WWP2: variants seen among roughly 807,000 people sequenced by gnomAD.
WWP2 encodes NEDD4-like E3 ubiquitin-protein ligase WWP2.
In WWP2, 57 loss-of-function variants were observed where a neutral mutation model predicts 121.0. The ratio of observed to expected loss-of-function variants is 0.47; its 90% CI spans 0.38 to 0.59. The LOEUF (loss-of-function observed/expected upper bound fraction) is 0.59. Among genes scored for constraint, WWP2 ranks in the 20% least tolerant of loss-of-function variants. The pLI is 0.00. For synonymous variants in WWP2, 449 were observed against 441.3 expected (o/e 1.02, Z -0.22); for missense variants, 962 against 1,158.9 (o/e 0.83, Z 2.47).
chr16:69,804,855 C>A (rs887629233), intron 4 of WWP2, among the ~76,000 whole-genome samples: 30 of 152,118 alleles, frequency 2.0e-4, no homozygotes, highest in Non-Finnish European at 3.2e-4. Context: ...TTGAAGTTAT[C>A]TTTAAATAGA....
intron 1 of WWP2, among the ~76,000 whole-genome samples, chr16:69,780,395 T>C (rs1597654017): frequency 1.5e-5 from 2 of 133,706 alleles, no homozygotes; most frequent in East Asian, 3.9e-4. Context: ...GGTATTTAAG[T>C]TGTTTATAAT....
rs77829805 is a variant in WWP2 at position 69,887,952 on chromosome 16, G to C, written c.704-87G>C. The C allele has an allele frequency of 8.9e-3, 13,364 of 1,496,234 alleles. 79 individuals are homozygous for C. Among genetic ancestry groups the C allele is most frequent in the Non-Finnish European group, 0.011 (11,836 of 1,089,038 alleles). The allele number at this position is 1,496,234 out of a possible 1,614,324, so 92.7% of individuals were successfully genotyped here. A position where few individuals can be genotyped will look rare whatever the true frequency, so the allele number is the denominator to read the frequency against. On this transcript the variant is annotated intron_variant, in intron 7 of 23. Coordinates refer to ENST00000359154, the MANE Select transcript of WWP2 (RefSeq NM_001270454.2). ...TGTAGTGTAACATTGTAGATACCAT[G>C]TTAGCCTATTAAGTGAAAAACCTAG...
chr16:69,808,689 A>G (rs1324784328), intron 4 of WWP2, among the ~76,000 whole-genome samples: 1 of 152,240 alleles, frequency 6.6e-6, no homozygotes, highest in African/African-American at 2.4e-5. Context: ...GGCGTGAGCC[A>G]CTGCGCCCGG....
At chr16:69,793,885 T>A (rs1032164664) in intron 2 of WWP2, among the ~76,000 whole-genome samples, 15 of 151,614 alleles carry the variant, frequency 9.9e-5, no homozygotes, top group Non-Finnish European at 1.5e-5. Flanking sequence ...GTGGTTTCGT[T>A]TTGGGAAGGG....
At chr16:69,800,887 T>C (rs2056149732) in intron 4 of WWP2, among the ~76,000 whole-genome samples, 1 of 150,826 alleles carries the variant, frequency 6.6e-6, no homozygotes, top group Non-Finnish European at 1.5e-5. Context: ...TTAATGTTTT[T>C]TTAAAAGCAA....
chr16:69,928,976 A>G (rs2058675025), intron 11 of WWP2, among the ~76,000 whole-genome samples: 1 of 152,208 alleles, frequency 6.6e-6, no homozygotes, highest in African/African-American at 2.4e-5. Context: ...CAGCCACTCC[A>G]TAAGGACCAC....
chr16:69,871,661 GT>G, intron 6 of WWP2, 142 bp from the exon 7 acceptor site: 1 of 1,235,740 alleles, frequency 8.1e-7, no homozygotes, highest in Non-Finnish European at 1.1e-6. Context: ...ACCAGCTTCT[GT>G]TTAGTCCAAA....
chr16:69,904,920 C>T (rs762479272), intron 8 of WWP2, among the ~76,000 whole-genome samples: 10 of 152,234 alleles, frequency 6.6e-5, no homozygotes. Flanking sequence ...TGTCTCCATA[C>T]TTCCAGTTCT....
intron 2 of WWP2, among the ~76,000 whole-genome samples, chr16:69,790,405 G>T (rs1436695150): frequency 6.6e-6 from 1 of 152,114 alleles, no homozygotes; most frequent in African/African-American, 2.4e-5. Context: ...TCATCATAAA[G>T]GTCTTCATCC....
intron 1 of WWP2, among the ~76,000 whole-genome samples, chr16:69,778,173 A>T (rs201711599): frequency 1.0e-4 from 12 of 118,010 alleles, no homozygotes; most frequent in East Asian, 8.1e-4. Context: ...ACTATAAATA[A>T]ATATATATAT....
At chr16:69,782,543 G>T (rs1413152960) in intron 1 of WWP2, among the ~76,000 whole-genome samples, 2 of 152,186 alleles carry the variant, frequency 1.3e-5, no homozygotes, top group Non-Finnish European at 2.9e-5. Context: ...ATGGAGAATT[G>T]CTATGGGATT....
intron 7 of WWP2, among the ~76,000 whole-genome samples, chr16:69,877,780 C>T (rs2057758978): frequency 6.6e-6 from 1 of 152,036 alleles, no homozygotes; most frequent in African/African-American, 2.4e-5. Context: ...AGAACACACA[C>T]AATATTTATT....
At chr16:69,847,109 G>C (rs2057096193) in intron 6 of WWP2, among the ~76,000 whole-genome samples, 1 of 151,952 alleles carries the variant, frequency 6.6e-6, no homozygotes, top group African/African-American at 2.4e-5. Flanking sequence ...ATTTGAGATG[G>C]AGTCTTGCTC....
intron 6 of WWP2, among the ~76,000 whole-genome samples, chr16:69,859,149 A>C (rs2057371021): frequency 6.6e-6 from 1 of 152,242 alleles, no homozygotes; most frequent in Admixed American, 6.5e-5. Context: ...GTAGGTCATA[A>C]GTCCAGGATC....
At position 69,871,841 on chromosome 16, in the gene WWP2, C is replaced by T. The variant is rs777097298; in HGVS notation, c.613C>T (p.Pro205Ser). The change falls in exon 7 of 24, where the codon CCA (proline) becomes TCA (serine). Residue 205 changes from proline to serine, a missense_variant. Pro to Ser is a moderately conservative substitution (Grantham distance 74). This residue lies in a region of WWP2 where 211 missense variants were observed against 196.5 expected (regional missense o/e 1.07). Transcript: ENST00000359154. ...TTCGGGTGCTTCAGCCAGAACAACC[C>T]CAGCAACCGGCGAGCAAAGCCCCGG... ...RHSGASARTT[P>S]ATGEQSPGAR... is the part of the protein sequence containing the mutation. 1.8e-4 allele frequency: 295 copies of T among 1,614,004 alleles called. No homozygotes were observed. The highest frequency in any genetic ancestry group is 2.4e-4 in the Non-Finnish European group (284 of 1,180,042).
At chr16:69,778,262 T>C (rs2055584170) in intron 1 of WWP2, among the ~76,000 whole-genome samples, 1 of 137,760 alleles carries the variant, frequency 7.3e-6, no homozygotes. Context: ...GACTTTCCCA[T>C]CCCCCTCCCA....
chr16:69,881,325 T>A (rs980276007), intron 7 of WWP2, among the ~76,000 whole-genome samples: 2 of 152,222 alleles, frequency 1.3e-5, no homozygotes, highest in African/African-American at 2.4e-5. Context: ...CTCTGAGTGG[T>A]CCCTCTGTGA....
chr16:69,819,723 G>A (rs1041412791), intron 4 of WWP2, among the ~76,000 whole-genome samples: 1 of 152,066 alleles, frequency 6.6e-6, no homozygotes, highest in Non-Finnish European at 1.5e-5. Context: ...TTTAAAAAAG[G>A]CATGTAATTC....
chr16:69,923,607 C>T (rs1465536253), intron 10 of WWP2, among the ~76,000 whole-genome samples: 1 of 152,146 alleles, frequency 6.6e-6, no homozygotes. Flanking sequence ...CCCAGGAGAA[C>T]CCTGAACGCT....
Sources: gnomAD v4.1 joint callset for allele counts (sites outside exome capture counted in the v4.1 genomes callset) on GRCh38, gnomAD v4.1.1 for gene constraint, gnomAD v4.1.1 regional missense constraint, MANE v1.5 for transcripts, NCBI Gene and HGNC (gene_info 2026-07-23, HGNC 2026-07-21) for gene names.